The following BARX2 variants were observed in gnomAD, a reference collection of about 807,000 sequenced individuals.
The protein encoded by BARX2 is homeobox protein BarH-like 2.
BARX2 carries 11 observed loss-of-function variants against 25.5 expected under a neutral mutation model. That is an observed-to-expected ratio of 0.43 (90% confidence interval 0.27 to 0.71). The LOEUF (loss-of-function observed/expected upper bound fraction) is 0.71. Among genes scored for constraint, BARX2 ranks in the 30% least tolerant of loss-of-function variants. BARX2 has a pLI of 0.19. For missense variants in BARX2, 360 were observed against 359.9 expected, an observed-to-expected ratio of 1.00 and a Z score of 0.00; for synonymous variants, 137 against 149.5, an observed-to-expected ratio of 0.92 and a Z score of 0.61.
chr11:129,421,949 T>C (rs552105344), intron 1 of BARX2, among the ~76,000 whole-genome samples: 8 of 152,224 alleles, frequency 5.3e-5, no homozygotes, highest in Admixed American at 6.5e-5. Context: ...TTGGATCACA[T>C]TGGAATCTCA....
At chr11:129,416,436 A>G (rs1861943500) in intron 1 of BARX2, among the ~76,000 whole-genome samples, 1 of 152,220 alleles carries the variant, frequency 6.6e-6, no homozygotes, top group African/African-American at 2.4e-5. Context: ...ACTTTCCCAG[A>G]AATTTCTCAG....
At chr11:129,414,461 C>G (rs1158637047) in intron 1 of BARX2, among the ~76,000 whole-genome samples, 1 of 152,064 alleles carries the variant, frequency 6.6e-6, no homozygotes, top group African/African-American at 2.4e-5. Context: ...TTTCCCGTTC[C>G]CCTGCCTTCT....
At chr11:129,404,933 CAT>C (rs1461352995) in intron 1 of BARX2, among the ~76,000 whole-genome samples, 4 of 152,188 alleles carry the variant, frequency 2.6e-5, no homozygotes, top group Admixed American at 2.0e-4. Context: ...CAAAAATAAA[CAT>C]AGATGCTGAG....
intron 1 of BARX2, among the ~76,000 whole-genome samples, chr11:129,433,465 A>G (rs868205084): frequency 6.6e-6 from 1 of 152,140 alleles, no homozygotes; most frequent in East Asian, 1.9e-4. Context: ...TTTAAAAATC[A>G]CATTTTGAAT....
At chr11:129,391,918 C>A (rs996662243) in intron 1 of BARX2, among the ~76,000 whole-genome samples, 2 of 152,130 alleles carry the variant, frequency 1.3e-5, no homozygotes, top group Non-Finnish European at 2.9e-5. Context: ...ATTTGGATGA[C>A]AGTTTATATG....
At chr11:129,442,941 A>G (rs1383204854) in intron 3 of BARX2, 22 bp downstream of exon 3, 2 of 1,595,354 alleles carry the variant, frequency 1.3e-6, no homozygotes, top group Admixed American at 1.7e-5. Flanking sequence ...GTGACTAACC[A>G]TGATCCCTTC....
chr11:129,440,287 C>T (rs972496689), intron 2 of BARX2, among the ~76,000 whole-genome samples: 6 of 152,206 alleles, frequency 3.9e-5, no homozygotes, highest in Non-Finnish European at 8.8e-5. Flanking sequence ...TGCATTTTTC[C>T]CAAGTGAGCT....
chr11:129,383,776 G>T (rs982550591), intron 1 of BARX2, among the ~76,000 whole-genome samples: 2 of 152,192 alleles, frequency 1.3e-5, no homozygotes, highest in African/African-American at 4.8e-5. Context: ...ACGCTTGCAG[G>T]ATTCCTTTTT....
chr11:129,428,868 C>T (rs1021795555), intron 1 of BARX2, among the ~76,000 whole-genome samples: 9 of 152,148 alleles, frequency 5.9e-5, no homozygotes, highest in Admixed American at 1.3e-4. Flanking sequence ...TCCAACTTCA[C>T]GGGGGCGCTC....
intron 3 of BARX2, among the ~76,000 whole-genome samples, chr11:129,445,558 CT>C (rs1379911356): frequency 9.2e-5 from 14 of 152,212 alleles, no homozygotes; most frequent in Non-Finnish European, 1.9e-4. Context: ...TCAGAACATT[CT>C]GCAAGCCAGT....
At position 129,376,408 on chromosome 11, in the gene BARX2, G is replaced by T. The variant is rs1861504919; in HGVS notation, c.187+186G>T. 1.3e-5 allele frequency among the ~76,000 whole-genome samples: 2 copies of T among 152,240 alleles called. No homozygotes were observed. The highest frequency in any genetic ancestry group is 4.1e-4 in the South Asian group (2 of 4,836). On this transcript the variant is annotated intron_variant, in intron 1 of 3. Coordinates refer to ENST00000281437, the MANE Select transcript of BARX2 (RefSeq NM_003658.5). This position sits in a 1 kb window ranked among gnomAD's most constrained non-coding sequence, Gnocchi z 4.2. ...GCCGGGAAGGACCACGCAAGGTGTG[G>T]ATGGCACGAGTGGAAATAAAGGCGG...
intron 1 of BARX2, among the ~76,000 whole-genome samples, chr11:129,432,594 C>T (rs1485138200): frequency 2.6e-5 from 4 of 152,178 alleles, no homozygotes; most frequent in African/African-American, 9.7e-5. Flanking sequence ...ACATTTTATA[C>T]TCAATTTCTG....
intron 3 of BARX2, among the ~76,000 whole-genome samples, chr11:129,449,037 C>T (rs995141427): frequency 1.3e-5 from 2 of 151,990 alleles, no homozygotes; most frequent in African/African-American, 2.4e-5. Flanking sequence ...GTGGGCAGAT[C>T]GGGTAGGGGC....
intron 1 of BARX2, among the ~76,000 whole-genome samples, chr11:129,398,663 T>A (rs1181575395): frequency 6.6e-6 from 1 of 152,238 alleles, no homozygotes; most frequent in Non-Finnish European, 1.5e-5. Context: ...CATTGGAAAT[T>A]TAGAACCCTG....
At chr11:129,395,188 A>G (rs1266253559) in intron 1 of BARX2, among the ~76,000 whole-genome samples, 1 of 152,204 alleles carries the variant, frequency 6.6e-6, no homozygotes, top group Non-Finnish European at 1.5e-5. Context: ...CCATAATGAC[A>G]GTTTGGGATT....
intron 1 of BARX2, among the ~76,000 whole-genome samples, chr11:129,384,338 G>A (rs1388018527): frequency 6.6e-6 from 1 of 151,954 alleles, no homozygotes. Flanking sequence ...AAATGGAGTG[G>A]TCTTGGGCCT....
At chr11:129,393,779 C>T (rs1474133647) in intron 1 of BARX2, among the ~76,000 whole-genome samples, 1 of 152,034 alleles carries the variant, frequency 6.6e-6, no homozygotes, top group African/African-American at 2.4e-5. Flanking sequence ...ACAATGAACA[C>T]TTGTGTCTAC....
chr11:129,416,032 C>T lies in BARX2; in HGVS notation c.188-20719C>T, dbSNP rs192863429. Among the ~76,000 whole-genome samples, 3 of 152,232 alleles carry T rather than the reference C, an allele frequency of 2.0e-5. No individual in the cohort carries two copies. In the East Asian group the frequency reaches 5.8e-4, roughly 29 times the overall value. On this transcript the variant is annotated intron_variant, in intron 1 of 3. Transcript: ENST00000281437. ...AGAGATATGGATTCCTTTTGAAGAC[C>T]CCTGTTTCATCTTTGACTTTTATAG... is the stretch of plus-strand genomic sequence containing the variant.
chr11:129,376,058 G>A lies in BARX2; in HGVS notation c.23G>A (p.Arg8Lys), dbSNP rs376511525. 6 of 1,600,104 alleles carry A rather than the reference G, an allele frequency of 3.7e-6. No individual in the cohort carries two copies. The Admixed American group carries it at 8.5e-5, about 23-fold the overall frequency. The change falls in exon 1 of 4, where the codon AGG (arginine) becomes AAG (lysine). Residue 8 changes from arginine to lysine, a missense_variant. Physicochemically the swap from Arg to Lys is conservative, Grantham distance 26. Coordinates refer to ENST00000281437, the MANE Select transcript of BARX2 (RefSeq NM_003658.5). This position sits in a 1 kb window ranked among gnomAD's most constrained non-coding sequence, Gnocchi z 4.2. MHCHAEL[R>K]LSSPGQLKAA... ...ACCATGCACTGCCACGCCGAGCTGA[G>A]GCTGAGCTCGCCCGGCCAGCTCAAA...
Sources: gnomAD v4.1 joint callset for allele counts (sites outside exome capture counted in the v4.1 genomes callset) on GRCh38, gnomAD v4.1.1 for gene constraint, Gnocchi (gnomAD v3.1) non-coding constraint, MANE v1.5 for transcripts, NCBI Gene and HGNC (gene_info 2026-07-23, HGNC 2026-07-21) for gene names.